Variants in TEPSIN observed in about 807,000 individuals in gnomAD.
The protein encoded by TEPSIN is TEPSIN adaptor related protein complex 4 accessory protein.
TEPSIN carries 50 observed loss-of-function variants against 48.5 expected under a neutral mutation model. That is an observed-to-expected ratio of 1.03 (90% CI 0.82 to 1.31). The LOEUF (loss-of-function observed/expected upper bound fraction) is 1.31, where lower values mean the gene tolerates loss of function less well. Ranked by LOEUF, TEPSIN falls within the 50% of genes most tolerant of loss-of-function variation. The pLI, the probability that TEPSIN is intolerant of heterozygous loss-of-function variation, is 0.00. For missense variants in TEPSIN, 838 were observed against 815.9 expected (o/e 1.03, Z -0.33); for synonymous variants, 392 against 358.8 (o/e 1.09, Z -1.05).
At chr17:81,235,584 C>T (rs1169692087) in intron 4 of TEPSIN, among the ~76,000 whole-genome samples, 8 of 152,182 alleles carry the variant, frequency 5.3e-5, no homozygotes, top group Non-Finnish European at 1.2e-4. Flanking sequence ...TGTGCCCCAT[C>T]CCCCTACCTG....
In TEPSIN at chr17:81,233,310, G is replaced by T; in HGVS notation, c.526+122C>A. The stretch of plus-strand genomic sequence containing the variant: ...GGGGACAGCCCCAGGAAGGGTTGAG[G>T]CCATGTAGGGGAGGGGACGGGGGAC... On this transcript the variant is annotated intron_variant, in intron 7 of 12. Transcript: ENST00000637944. This position sits in a 1 kb window ranked among gnomAD's most constrained non-coding sequence, Gnocchi z 5.8. 1 of 1,179,254 alleles carries T rather than the reference G, an allele frequency of 8.5e-7. No homozygotes were observed. Among genetic ancestry groups the T allele is most frequent in the Non-Finnish European group, 1.2e-6 (1 of 846,440 alleles). 73.0% of individuals were successfully genotyped at this position (1,179,254 alleles called of 1,614,324 possible).
intron 4 of TEPSIN, among the ~76,000 whole-genome samples, chr17:81,235,225 G>A (rs1049359678): frequency 1.3e-5 from 2 of 152,202 alleles, no homozygotes; most frequent in Non-Finnish European, 1.5e-5. Flanking sequence ...GCTCCTGACC[G>A]CAATCGGCTG....
chr17:81,229,274 G>T lies in TEPSIN; in HGVS notation c.1436C>A (p.Pro479Gln), dbSNP rs200745066. ...SRSPAPSSGM[P>Q]SSPVPTPPPD... The stretch of plus-strand genomic sequence containing the variant: ...GGGTGGGGTGGGCACAGGGCTGGAC[G>T]GCATCCCAGATGAGGGAGCAGGGCT... The change falls in exon 13 of 13, where the codon CCG becomes CAG. Residue 479 changes from proline to glutamine, a missense_variant. Pro to Gln is a moderately conservative substitution (Grantham distance 76). Coordinates refer to ENST00000637944, the MANE Select transcript of TEPSIN (RefSeq NM_001363764.2). 2.7e-4 allele frequency: 423 copies of T among 1,577,396 alleles called. 1 individual carries two copies. The African/African-American group carries it at 5.1e-3, about 19-fold the overall frequency.
intron 11 of TEPSIN, 200 bp downstream of exon 11, chr17:81,231,194 CGAGT>C (rs2062595414): frequency 1.7e-6 from 1 of 605,292 alleles, no homozygotes; most frequent in East Asian, 2.8e-5. Context: ...CACACATGCA[CGAGT>C]GTGTACACAC....
intron 11 of TEPSIN, chr17:81,231,001 C>G: frequency 2.0e-6 from 1 of 503,844 alleles, no homozygotes; most frequent in Non-Finnish European, 3.5e-6. Flanking sequence ...ACGTGACCTG[C>G]TGCCCCGATT....
chr17:81,233,755 A>G lies in TEPSIN; in HGVS notation c.376-39T>C. ...CGAAGGCCCTCAGTGTCCTCACACCAGGGCCTGCTGTACTCACCCTGCCAC... is the reference window on the plus strand; with the variant it reads ...CGAAGGCCCTCAGTGTCCTCACACCGGGGCCTGCTGTACTCACCCTGCCAC... On this transcript the variant is annotated intron_variant, in intron 5 of 12. Coordinates refer to ENST00000637944, the MANE Select transcript of TEPSIN (RefSeq NM_001363764.2). This position sits in a 1 kb window ranked among gnomAD's most constrained non-coding sequence, Gnocchi z 5.8. The G allele has an allele frequency of 1.3e-6, 2 of 1,552,248 alleles. No individual in the cohort carries two copies. Among genetic ancestry groups the G allele is most frequent in the Middle Eastern group, 2.0e-4 (1 of 4,912 alleles).
Position 81,228,761 on chromosome 17 carries a change from G to T in TEPSIN, c.*167C>A. ...CCTCGTAGGGATTCAAGTCCAAATA[G>T]CCAGAGCCTCTGGCAGAGGAGATGG... is the stretch of plus-strand genomic sequence containing the variant. On this transcript the variant is annotated 3_prime_UTR_variant, in exon 13 of 13. Transcript: ENST00000637944. 1 of 824,778 alleles carries T rather than the reference G, an allele frequency of 1.2e-6. No homozygotes were observed. Among genetic ancestry groups the T allele is most frequent in the Non-Finnish European group, 1.9e-6 (1 of 527,470 alleles). The allele number at this position is 824,778 out of a possible 1,614,324, so 51.1% of individuals were successfully genotyped here.
Position 81,229,286 on chromosome 17 carries a change from G to A in TEPSIN, c.1424C>T (p.Ser475Leu), listed in dbSNP as rs542409360. 4 of 1,577,024 alleles carry A rather than the reference G, an allele frequency of 2.5e-6. No individual in the cohort carries two copies. Among genetic ancestry groups the A allele is most frequent in the East Asian group, 2.3e-5 (1 of 43,508 alleles). ...TPVSSRSPAP[S>L]SGMPSSPVPT... is the part of the protein sequence containing the mutation. ...CACAGGGCTGGACGGCATCCCAGAT[G>A]AGGGAGCAGGGCTCCGGGACGAGAC... The change falls in exon 13 of 13, where the codon TCA becomes TTA. Residue 475 changes from serine to leucine, a missense_variant. By Grantham distance (145) the Ser-to-Leu change is moderately radical. Transcript: ENST00000637944.
In TEPSIN at chr17:81,229,461, CA is replaced by C; in HGVS notation, c.1248del (p.Phe416LeufsTer31). On this transcript the variant is annotated frameshift_variant, in exon 13 of 13. Transcript: ENST00000637944. LOFTEE classifies it low-confidence loss of function (END_TRUNC). ...TNKATKILRHFEASCGQLSPA... is the reference protein window; with the variant it reads ...TNKATKILRHXEASCGQLSPA... ...GGGGACAGCTGCCCACAGGAGGCCTCAAAGTGCCTCAGGATCTGAAAGAGGA... is the reference window on the plus strand; with the variant it reads ...GGGGACAGCTGCCCACAGGAGGCCTCAAGTGCCTCAGGATCTGAAAGAGGA... 1 of 1,549,388 alleles carries C rather than the reference CA, an allele frequency of 6.5e-7. No homozygotes were observed. Among genetic ancestry groups the C allele is most frequent in the Non-Finnish European group, 8.7e-7 (1 of 1,146,522 alleles).
rs753237513 is a variant in TEPSIN at position 81,231,607 on chromosome 17, G to A, written c.990C>T (p.Ser330=). The part of the protein sequence containing the change: ...TVTRGPRAFL[S]REEAQHFIKA... ...TGATGAAGTGCTGTGCCTCCTCGCG[G>A]CTCAGGAAGGCGCGTGGTCCCCGAG... is the stretch of plus-strand genomic sequence containing the variant. The change falls in exon 10 of 13, where the codon AGC becomes AGT. Residue 330 remains serine, a synonymous_variant. Coordinates refer to ENST00000637944, the MANE Select transcript of TEPSIN (RefSeq NM_001363764.2). The A allele has an allele frequency of 3.7e-6, 6 of 1,612,834 alleles. No individual in the cohort carries two copies. The East Asian group carries it at 6.7e-5, about 18-fold the overall frequency.
At position 81,229,178 on chromosome 17, in the gene TEPSIN, C is replaced by A; in HGVS notation, c.1532G>T (p.Arg511Leu). 6.2e-7 allele frequency: 1 copy of A among 1,611,244 alleles called. No homozygotes were observed. Among genetic ancestry groups the A allele is most frequent in the South Asian group, 1.1e-5 (1 of 90,888 alleles). The change falls in exon 13 of 13, where the codon CGG becomes CTG. Residue 511 changes from arginine (R) to leucine (L), a missense_variant. Physicochemically the swap from Arg to Leu is moderately radical, Grantham distance 102. Coordinates refer to ENST00000637944, the MANE Select transcript of TEPSIN (RefSeq NM_001363764.2). ...CCCTGGGATCCGTTCAGGTCTCCAC[C>A]GCCTGCTTTCTGCCAGTCTGGCCTC... is the stretch of plus-strand genomic sequence containing the variant. ...EAEARLAESR[R>L]WRPERIPGGT...
chr17:81,234,993 A>AACT lies in TEPSIN; in HGVS notation c.308-948_308-946dup, dbSNP rs1443749678. On this transcript the variant is annotated intron_variant, in intron 4 of 12. Coordinates refer to ENST00000637944, the MANE Select transcript of TEPSIN (RefSeq NM_001363764.2). The surrounding 1 kb of genome is among the most constrained non-coding windows in gnomAD (Gnocchi z 5.4). ...AACATCTCCAACCAGAAACATTCCA[A>AACT]ACTCCTCCCCAACCAGAGACATGCT... Among the ~76,000 whole-genome samples the AACT allele has an allele frequency of 6.6e-6, 1 of 151,914 alleles. No individual in the cohort carries two copies. The highest frequency in any genetic ancestry group is 1.5e-5 in the Non-Finnish European group (1 of 67,978).
chr17:81,233,954 G>A lies in TEPSIN; in HGVS notation c.375+27C>T, dbSNP rs1255103427. ...CCCTCTACAGGAGGAGGGGCACCCC[G>A]CAGAGCGACACTGCTCCTGGGCTCA... is the stretch of plus-strand genomic sequence containing the variant. On this transcript the variant is annotated intron_variant, in intron 5 of 12. Transcript: ENST00000637944. The surrounding 1 kb of genome is among the most constrained non-coding windows in gnomAD (Gnocchi z 5.8). 3.8e-6 allele frequency: 6 copies of A among 1,587,782 alleles called. No individual in the cohort carries two copies. The South Asian group carries it at 4.6e-5, about 12-fold the overall frequency.
intron 8 of TEPSIN, 100 bp downstream of exon 8, chr17:81,232,215 G>A (rs1252769593): frequency 6.6e-6 from 9 of 1,367,038 alleles, no homozygotes; most frequent in Non-Finnish European, 8.7e-6. Flanking sequence ...CCCTCCTGCT[G>A]TGTGGGAGGC....
chr17:81,233,311 C>T lies in TEPSIN; in HGVS notation c.526+121G>A. 2.5e-6 allele frequency: 3 copies of T among 1,192,772 alleles called. No individual in the cohort carries two copies. Among genetic ancestry groups the T allele is most frequent in the Non-Finnish European group, 3.5e-6 (3 of 858,680 alleles). The allele number at this position is 1,192,772 out of a possible 1,614,324, so 73.9% of individuals were successfully genotyped here. On this transcript the variant is annotated intron_variant, in intron 7 of 12. Coordinates refer to ENST00000637944, the MANE Select transcript of TEPSIN (RefSeq NM_001363764.2). The surrounding 1 kb of genome is among the most constrained non-coding windows in gnomAD (Gnocchi z 5.8). ...GGGACAGCCCCAGGAAGGGTTGAGG[C>T]CATGTAGGGGAGGGGACGGGGGACA...
In TEPSIN at chr17:81,231,400, G is replaced by C. The variant is rs2146828764; in HGVS notation, c.1096C>G (p.Leu366Val). 1 of 1,548,742 alleles carries C rather than the reference G, an allele frequency of 6.5e-7. No individual in the cohort carries two copies. Among genetic ancestry groups the C allele is most frequent in the East Asian group, 2.4e-5 (1 of 41,138 alleles). ...TCCCGCCCGCGTGTGCAGCTCACCA[G>C]CTGCGTGCATTCACTGGTCCCACGC... ...HLRGTSECTQ[L>V]RALCAIASLG... Residue 366 changes from leucine to valine, a missense_variant and splice_region_variant, in exon 11 of 13, where the codon CTG (leucine) becomes GTG (valine). Leu to Val is a conservative substitution (Grantham distance 32). Transcript: ENST00000637944.
In TEPSIN at chr17:81,229,484, A is replaced by G. The variant is rs1022430786; in HGVS notation, c.1234-8T>C. 6.5e-7 allele frequency: 1 copy of G among 1,549,174 alleles called. No homozygotes were observed. The highest frequency in any genetic ancestry group is 8.7e-7 in the Non-Finnish European group (1 of 1,146,436). On this transcript the variant is annotated splice_polypyrimidine_tract_variant and splice_region_variant and intron_variant, in intron 12 of 12. Coordinates refer to ENST00000637944, the MANE Select transcript of TEPSIN (RefSeq NM_001363764.2). ...CTCAAAGTGCCTCAGGATCTGAAAGAGGAAGGAGGAACCAGGGAGGTTCCT... is the reference window on the plus strand; with the variant it reads ...CTCAAAGTGCCTCAGGATCTGAAAGGGGAAGGAGGAACCAGGGAGGTTCCT...
rs1171040729 is a variant in TEPSIN at position 81,229,214 on chromosome 17, G to T, written c.1496C>A (p.Pro499His). The change falls in exon 13 of 13, where the codon CCC becomes CAC. Residue 499 changes from proline (P) to histidine (H), a missense_variant. By Grantham distance (77) the Pro-to-His change is moderately conservative. Coordinates refer to ENST00000637944, the MANE Select transcript of TEPSIN (RefSeq NM_001363764.2). ...TGCCAGTCTGGCCTCGGCCTCGCTGGGGTCTCCGGGGGCTGGAATGGGGGA... is the reference window on the plus strand; with the variant it reads ...TGCCAGTCTGGCCTCGGCCTCGCTGTGGTCTCCGGGGGCTGGAATGGGGGA... ...DASPIPAPGD[P>H]SEAEARLAES... The T allele has an allele frequency of 2.5e-6, 4 of 1,604,908 alleles. No homozygotes were observed. Among genetic ancestry groups the T allele is most frequent in the Non-Finnish European group, 3.4e-6 (4 of 1,176,758 alleles).
chr17:81,231,554 C>A (rs377603565), intron 10 of TEPSIN, 24 bp downstream of exon 10: 44 of 1,604,750 alleles, frequency 2.7e-5, no homozygotes, highest in Non-Finnish European at 3.6e-5. Context: ...TGAGGCAGAG[C>A]AGGGCGGGTC....
Sources: allele counts gnomAD v4.1 joint callset (sites outside exome capture counted in the v4.1 genomes callset), GRCh38; gene constraint gnomAD v4.1.1; non-coding constraint Gnocchi (gnomAD v3.1); transcripts MANE v1.5; gene names NCBI Gene and HGNC (gene_info 2026-07-23, HGNC 2026-07-21).